Variants in ACADSB observed in about 807,000 individuals in gnomAD.
ACADSB encodes the protein short/branched chain specific acyl-CoA dehydrogenase, mitochondrial.
A neutral mutation model predicts 54.1 loss-of-function variants in ACADSB; 40 were observed. That is an observed-to-expected ratio of 0.74 (90% confidence interval 0.57 to 0.96). The LOEUF is 0.96. Ranked by LOEUF, ACADSB falls within the 40% of genes least tolerant of loss-of-function variation. The pLI, the probability that ACADSB is intolerant of heterozygous loss-of-function variation, is 0.00. For missense variants in ACADSB, 530 were observed against 510.4 expected (o/e 1.04, Z -0.37); for synonymous variants, 182 against 182.8 (o/e 1.00, Z 0.03).
At chr10:123,025,112 A>G (rs1850234081) in intron 1 of ACADSB, among the ~76,000 whole-genome samples, 1 of 152,150 alleles carries the variant, frequency 6.6e-6, no homozygotes, top group Admixed American at 6.5e-5. Context: ...AAAGAAAACA[A>G]AACAAATGTT....
In ACADSB at chr10:123,034,426, C is replaced by G; in HGVS notation, c.113C>G (p.Ser38Ter). 1 of 1,613,540 alleles carries G rather than the reference C, an allele frequency of 6.2e-7. No homozygotes were observed. Residue 38 changes from serine to a stop codon, truncating the protein, a stop_gained, in exon 2 of 11, where the codon TCA (serine) becomes TGA (stop). Transcript: ENST00000358776. LOFTEE classifies it high-confidence loss of function. ...CCTCATGTCTCAAAATCTTCCCAGT[C>G]AGAAGCTCTACTCAATATAACAAAT... ...IPPHVSKSSQ[S>*]EALLNITNNG...
At chr10:123,009,318 G>T (rs1022405042) in intron 1 of ACADSB, among the ~76,000 whole-genome samples, 1 of 152,204 alleles carries the variant, frequency 6.6e-6, no homozygotes, top group African/African-American at 2.4e-5. Context: ...AGTACCTTGA[G>T]TGGAGTCGGA....
At chr10:123,044,246 A>G in intron 6 of ACADSB, 147 bp from the exon 7 acceptor site, 1 of 697,290 alleles carries the variant, frequency 1.4e-6, no homozygotes, top group Non-Finnish European at 2.6e-6. Flanking sequence ...AGCTGTGGAA[A>G]AACAGCGTAG....
chr10:123,028,744 A>AT (rs1163022903), intron 1 of ACADSB, among the ~76,000 whole-genome samples: 1 of 152,070 alleles, frequency 6.6e-6, no homozygotes, highest in Non-Finnish European at 1.5e-5. Context: ...AAGTCTTAAA[A>AT]TTTTTGCTGG....
chr10:123,027,280 T>C (rs1267405462), intron 1 of ACADSB, among the ~76,000 whole-genome samples: 4 of 152,202 alleles, frequency 2.6e-5, no homozygotes, highest in African/African-American at 9.7e-5. Context: ...GTGGCTATGA[T>C]AGCTCTTTTT....
At chr10:123,053,622 T>C in intron 10 of ACADSB, 73 bp from the exon 11 acceptor site, 1 of 1,276,096 alleles carries the variant, frequency 7.8e-7, no homozygotes, top group South Asian at 1.2e-5. Flanking sequence ...GCAGAGGTGA[T>C]GTTTATAGAG....
chr10:123,037,861 T>C lies in ACADSB; in HGVS notation c.303+14T>C. On this transcript the variant is annotated intron_variant, in intron 3 of 10. Coordinates refer to ENST00000358776, the MANE Select transcript of ACADSB (RefSeq NM_001609.4). ...TTTCAACAAGGGGTACATTTCATAA[T>C]TCTTCCACTTTCAAGCTTCTATAAT... The C allele has an allele frequency of 6.7e-7, 1 of 1,503,700 alleles. No individual in the cohort carries two copies. 93.1% of individuals were successfully genotyped at this position (1,503,700 alleles called of 1,614,324 possible). A position where few individuals can be genotyped will look rare whatever the true frequency, so the allele number is the denominator to read the frequency against.
At chr10:123,024,529 A>C (rs1424387088) in intron 1 of ACADSB, among the ~76,000 whole-genome samples, 1 of 152,260 alleles carries the variant, frequency 6.6e-6, no homozygotes, top group Non-Finnish European at 1.5e-5. Context: ...AGCAGAAAGG[A>C]AAAGGTGAAA....
chr10:123,029,990 C>G (rs1325080717), intron 1 of ACADSB, among the ~76,000 whole-genome samples: 4 of 152,110 alleles, frequency 2.6e-5, no homozygotes, highest in Non-Finnish European at 5.9e-5. Flanking sequence ...ACGGAAGGGC[C>G]TGGGTTGATG....
chr10:123,021,842 A>G (rs1175960549), intron 1 of ACADSB, among the ~76,000 whole-genome samples: 2 of 152,178 alleles, frequency 1.3e-5, no homozygotes, highest in Non-Finnish European at 2.9e-5. Context: ...TGGGGTTCTG[A>G]GGAAAACAGG....
At chr10:123,049,765 T>C (rs931975122) in intron 8 of ACADSB, among the ~76,000 whole-genome samples, 1 of 152,198 alleles carries the variant, frequency 6.6e-6, no homozygotes, top group African/African-American at 2.4e-5. Context: ...ACAAAATAGA[T>C]GTCAGATGTA....
intron 1 of ACADSB, among the ~76,000 whole-genome samples, chr10:123,011,805 A>G (rs968502542): frequency 6.6e-6 from 1 of 151,930 alleles, no homozygotes; most frequent in Non-Finnish European, 1.5e-5. Context: ...AAATGCTGGG[A>G]TTACAGGCGT....
chr10:123,042,197 G>T (rs551978357), intron 5 of ACADSB, among the ~76,000 whole-genome samples: 285 of 151,552 alleles, frequency 1.9e-3, no homozygotes, highest in Admixed American at 3.7e-3. Flanking sequence ...AACTCCTGAC[G>T]TCGGATGATC....
chr10:123,009,066 A>C lies in ACADSB; in HGVS notation c.37A>C (p.Arg13=). 6.5e-7 allele frequency: 1 copy of C among 1,547,326 alleles called. No individual in the cohort carries two copies. The highest frequency in any genetic ancestry group is 2.4e-5 in the East Asian group (1 of 40,876). Residue 13 remains arginine, a synonymous_variant, in exon 1 of 11, where the codon AGG becomes CGG. Transcript: ENST00000358776. ...GGCAGTGCGGTTGCTGCGCGGCAGCAGGCTGGTGAGTGCGTTCGAGGCTGG... is the reference window on the plus strand; with the variant it reads ...GGCAGTGCGGTTGCTGCGCGGCAGCCGGCTGGTGAGTGCGTTCGAGGCTGG... ...GLAVRLLRGS[R]LLRRNFLTCL...
intron 1 of ACADSB, among the ~76,000 whole-genome samples, chr10:123,012,301 A>G (rs779537910): frequency 3.3e-5 from 5 of 152,198 alleles, no homozygotes; most frequent in Non-Finnish European, 5.9e-5. Context: ...TTCTGGACAT[A>G]TATTTGGCAT....
At chr10:123,025,992 T>C (rs909413073) in intron 1 of ACADSB, among the ~76,000 whole-genome samples, 1 of 151,774 alleles carries the variant, frequency 6.6e-6, no homozygotes, top group Non-Finnish European at 1.5e-5. Flanking sequence ...ACCCAAGCAG[T>C]TCTTGGGGGG....
chr10:123,030,557 A>G (rs1373765107), intron 1 of ACADSB, among the ~76,000 whole-genome samples: 1 of 151,718 alleles, frequency 6.6e-6, no homozygotes, highest in Non-Finnish European at 1.5e-5. Flanking sequence ...AAGAAAAAAA[A>G]TTTTCTTCTT....
At chr10:123,050,871 T>TA (rs1356669597) in intron 8 of ACADSB, among the ~76,000 whole-genome samples, 178 bp from the exon 9 acceptor site, 1 of 152,228 alleles carries the variant, frequency 6.6e-6, no homozygotes, top group East Asian at 1.9e-4. Context: ...TAACAATACT[T>TA]ATAGTGTCAC....
intron 1 of ACADSB, among the ~76,000 whole-genome samples, chr10:123,025,605 T>C (rs1309451565): frequency 6.6e-6 from 1 of 152,204 alleles, no homozygotes; most frequent in Non-Finnish European, 1.5e-5. Flanking sequence ...CTAATTTCCC[T>C]AATTTGTATA....
Sources: gnomAD v4.1 joint callset for allele counts (sites outside exome capture counted in the v4.1 genomes callset) on GRCh38, gnomAD v4.1.1 for gene constraint, MANE v1.5 for transcripts, NCBI Gene and HGNC (gene_info 2026-07-23, HGNC 2026-07-21) for gene names.